NBAS: variants seen among roughly 807,000 people sequenced by gnomAD.
NBAS encodes NBAS subunit of NRZ tethering complex.
NBAS carries 219 observed loss-of-function variants against 302.5 expected under a neutral mutation model. The observed-to-expected ratio is 0.72, with a 90% confidence interval of 0.65 to 0.81. The LOEUF (loss-of-function observed/expected upper bound fraction) is 0.81. NBAS is among the 30% of genes least tolerant of loss of function. The pLI is 0.00. For missense variants in NBAS, 2,932 were observed against 2,841.6 expected (o/e 1.03, Z -0.72); for synonymous variants, 1,118 against 1,021.6 (o/e 1.09, Z -1.80).
intron 9 of NBAS, among the ~76,000 whole-genome samples, chr2:15,522,006 T>C (rs1364910002): frequency 6.6e-6 from 1 of 152,062 alleles, no homozygotes; most frequent in African/African-American, 2.4e-5. Context: ...AAAGAAAACA[T>C]GAGAGGGTGT....
chr2:15,069,179 G>A, the NBAS span, among the ~76,000 whole-genome samples: 1 of 152,192 alleles, frequency 6.6e-6, no homozygotes, highest in Non-Finnish European at 1.5e-5. Context: ...GTGACTTTTG[G>A]AGGGGACAGA....
At chr2:14,794,858 T>C in the NBAS span, among the ~76,000 whole-genome samples, 1 of 152,210 alleles carries the variant, frequency 6.6e-6, no homozygotes, top group African/African-American at 2.4e-5. Flanking sequence ...AATTCTATAG[T>C]ATGTACCTTT....
chr2:14,878,069 T>C, the NBAS span, among the ~76,000 whole-genome samples: 1 of 152,206 alleles, frequency 6.6e-6, no homozygotes, highest in Non-Finnish European at 1.5e-5. Flanking sequence ...GCACTAACTA[T>C]TGTTCAACTA....
At chr2:15,145,406 T>C in the NBAS span, among the ~76,000 whole-genome samples, 1 of 65,676 alleles carries the variant, frequency 1.5e-5, no homozygotes, top group Non-Finnish European at 3.1e-5. Flanking sequence ...TTTGTATGTG[T>C]GTGTGTGTGT....
chr2:14,952,330 T>C, the NBAS span, among the ~76,000 whole-genome samples: 1 of 152,248 alleles, frequency 6.6e-6, no homozygotes, highest in Non-Finnish European at 1.5e-5. Context: ...GTCTTTTTTC[T>C]TTCTGGCAGC....
At chr2:14,952,867 C>A in the NBAS span, among the ~76,000 whole-genome samples, 2 of 152,146 alleles carry the variant, frequency 1.3e-5, no homozygotes, top group Non-Finnish European at 1.5e-5. Flanking sequence ...GTAAAACAGT[C>A]AAGTAAGCAG....
the NBAS span, among the ~76,000 whole-genome samples, chr2:15,116,733 AAAGT>A: frequency 2.6e-5 from 4 of 152,226 alleles, no homozygotes; most frequent in Admixed American, 2.6e-4. Flanking sequence ...CGTCTCAGCA[AAAGT>A]AAGTAGTAAA....
At chr2:14,914,310 T>C in the NBAS span, among the ~76,000 whole-genome samples, 1 of 152,286 alleles carries the variant, frequency 6.6e-6, no homozygotes, top group African/African-American at 2.4e-5. Context: ...AGTTTATTAA[T>C]CACATATATT....
chr2:15,055,947 G>C, the NBAS span, among the ~76,000 whole-genome samples: 1 of 152,134 alleles, frequency 6.6e-6, no homozygotes. Flanking sequence ...TACACTATTT[G>C]AAAGATGATT....
intron 47 of NBAS, among the ~76,000 whole-genome samples, chr2:15,223,724 G>A (rs536205572): frequency 1.3e-5 from 2 of 151,936 alleles, no homozygotes; most frequent in South Asian, 4.1e-4. Flanking sequence ...AGCTACCCAG[G>A]AGGCTGAGGC....
At chr2:15,516,481 G>A (rs907783254) in intron 9 of NBAS, among the ~76,000 whole-genome samples, 4 of 152,100 alleles carry the variant, frequency 2.6e-5, no homozygotes, top group Non-Finnish European at 5.9e-5. Flanking sequence ...CCAGCACTTT[G>A]GGAAGCCCAG....
At chr2:15,290,069 G>A (rs1235640514) in intron 41 of NBAS, among the ~76,000 whole-genome samples, 1 of 149,792 alleles carries the variant, frequency 6.7e-6, no homozygotes, top group Non-Finnish European at 1.5e-5. Context: ...AGAGGAGAGG[G>A]GATAGGGGAG....
intron 42 of NBAS, among the ~76,000 whole-genome samples, chr2:15,281,202 C>T (rs1669809792): frequency 6.6e-6 from 1 of 152,188 alleles, no homozygotes; most frequent in South Asian, 2.1e-4. Context: ...GGCTTTGTCT[C>T]TTCTATAAGG....
At chr2:15,034,291 A>AGAAAGAAG in the NBAS span, among the ~76,000 whole-genome samples, 1 of 96,332 alleles carries the variant, frequency 1.0e-5, no homozygotes, top group Non-Finnish European at 2.2e-5. Flanking sequence ...AAAGAAAGAA[A>AGAAAGAAG]GAAAGAAAGA....
chr2:15,134,044 A>G, the NBAS span, among the ~76,000 whole-genome samples: 1 of 120,258 alleles, frequency 8.3e-6, no homozygotes, highest in African/African-American at 3.2e-5. Flanking sequence ...ATGCACATAC[A>G]TGAACATTTC....
the NBAS span, among the ~76,000 whole-genome samples, chr2:14,872,736 G>A: frequency 6.6e-6 from 1 of 152,158 alleles, no homozygotes; most frequent in Non-Finnish European, 1.5e-5. Flanking sequence ...CCCTCGCAGT[G>A]AGTGTTACAG....
the NBAS span, among the ~76,000 whole-genome samples, chr2:14,954,509 G>C: frequency 6.6e-6 from 1 of 152,158 alleles, no homozygotes. Context: ...ATGGAATCTT[G>C]ATAAGTGTTA....
intron 6 of NBAS, among the ~76,000 whole-genome samples, chr2:15,542,944 TA>T (rs1424064086): frequency 6.6e-6 from 1 of 152,220 alleles, no homozygotes; most frequent in Non-Finnish European, 1.5e-5. Flanking sequence ...TTGACCTAGA[TA>T]AAAATATTTT....
the NBAS span, among the ~76,000 whole-genome samples, chr2:14,985,387 A>G: frequency 5.9e-5 from 9 of 152,248 alleles, no homozygotes; most frequent in Admixed American, 1.3e-4. Context: ...CCTGAAAAAC[A>G]TAAGGTAGCA....
Sources: allele counts gnomAD v4.1 joint callset (sites outside exome capture counted in the v4.1 genomes callset), GRCh38; gene constraint gnomAD v4.1.1; transcripts MANE v1.5; gene names NCBI Gene and HGNC (gene_info 2026-07-23, HGNC 2026-07-21).